PAPPA2: variants seen among roughly 807,000 people sequenced by gnomAD.
PAPPA2 encodes the protein pappalysin-2.
Under a neutral mutation model 176.4 loss-of-function variants are expected in PAPPA2, and 86 were observed. That is an observed-to-expected ratio of 0.49 (90% confidence interval 0.41 to 0.58). PAPPA2 has a LOEUF of 0.58. PAPPA2 is among the 20% of genes least tolerant of loss of function. The pLI is 0.00. For synonymous variants in PAPPA2, 809 were observed against 852.2 expected (o/e 0.95, Z 0.88); for missense variants, 2,073 against 2,256.9 (o/e 0.92, Z 1.65).
intron 3 of PAPPA2, among the ~76,000 whole-genome samples, chr1:176,657,205 T>C (rs1658081900): frequency 6.6e-6 from 1 of 151,850 alleles, no homozygotes; most frequent in South Asian, 2.1e-4. Context: ...AGAATTGACA[T>C]CTATACCAAA....
At chr1:176,541,288 C>G (rs1472144378) in intron 1 of PAPPA2, among the ~76,000 whole-genome samples, 4 of 152,180 alleles carry the variant, frequency 2.6e-5, no homozygotes, top group Admixed American at 6.5e-5. Context: ...TGGATCTTGA[C>G]AGTGCATTAA....
At chr1:176,743,340 G>T (rs1202692448) in intron 14 of PAPPA2, among the ~76,000 whole-genome samples, 3 of 152,092 alleles carry the variant, frequency 2.0e-5, no homozygotes, top group African/African-American at 7.2e-5. Flanking sequence ...TCTCAGTCTT[G>T]TTTCTCACTC....
chr1:176,473,344 A>G (rs1350129661), intron 1 of PAPPA2, among the ~76,000 whole-genome samples: 1 of 152,002 alleles, frequency 6.6e-6, no homozygotes, highest in Non-Finnish European at 1.5e-5. Flanking sequence ...AGTTTCTTTC[A>G]TGTCTTTTAT....
intron 3 of PAPPA2, among the ~76,000 whole-genome samples, chr1:176,635,006 G>GATAA (rs1656613044): frequency 6.7e-6 from 1 of 149,416 alleles, no homozygotes; most frequent in Non-Finnish European, 1.5e-5. Context: ...TAGATAGATA[G>GATAA]ATAGATAGAT....
intron 14 of PAPPA2, 34 bp from the exon 15 acceptor site, chr1:176,765,632 C>G: frequency 1.3e-6 from 2 of 1,597,482 alleles, no homozygotes; most frequent in Non-Finnish European, 1.7e-6. Context: ...GGTTCTCAAC[C>G]AGTCCTAAGA....
At chr1:176,781,872 C>T (rs773418221) in intron 17 of PAPPA2, among the ~76,000 whole-genome samples, 1 of 152,128 alleles carries the variant, frequency 6.6e-6, no homozygotes, top group Non-Finnish European at 1.5e-5. Context: ...AAAGTGTATT[C>T]GGAGTGAAAA....
chr1:176,564,657 A>G (rs148108664), intron 2 of PAPPA2, among the ~76,000 whole-genome samples: 3 of 152,212 alleles, frequency 2.0e-5, no homozygotes, highest in African/African-American at 7.2e-5. Flanking sequence ...CTTGCAGGAA[A>G]CAAGTCATGC....
In PAPPA2 at chr1:176,613,810, G is replaced by A. The variant is rs190653087; in HGVS notation, c.1991+18215G>A. ...AAAAATTCAGAATAAGAATAAAGCC[G>A]AGCACTGCCTGTCAAATGGGTAATG... On this transcript the variant is annotated intron_variant, in intron 3 of 22. Transcript: ENST00000367662. Among the ~76,000 whole-genome samples the A allele has an allele frequency of 1.1e-4, 16 of 152,218 alleles. No individual in the cohort carries two copies. The East Asian group carries it at 1.7e-3, about 17-fold the overall frequency.
At chr1:176,830,223 AACAG>A (rs1207695961) in intron 21 of PAPPA2, among the ~76,000 whole-genome samples, 1 of 152,196 alleles carries the variant, frequency 6.6e-6, no homozygotes, top group African/African-American at 2.4e-5. Context: ...AATTTTTAAA[AACAG>A]ACAAACAAAT....
intron 12 of PAPPA2, among the ~76,000 whole-genome samples, chr1:176,727,711 A>G (rs1661947344): frequency 6.6e-6 from 1 of 152,066 alleles, no homozygotes; most frequent in Non-Finnish European, 1.5e-5. Flanking sequence ...ATCAAATATC[A>G]TGACCTAACT....
intron 3 of PAPPA2, among the ~76,000 whole-genome samples, chr1:176,623,667 C>CTTTCTTTCTTTCT (rs1212750922): frequency 3.5e-5 from 2 of 57,956 alleles, no homozygotes; most frequent in African/African-American, 1.3e-4. Flanking sequence ...TTCTTTCTTT[C>CTTTCTTTCTTTCT]TTTTTCTTTC....
intron 4 of PAPPA2, among the ~76,000 whole-genome samples, chr1:176,671,958 G>A (rs1016179321): frequency 2.0e-5 from 3 of 150,410 alleles, no homozygotes; most frequent in East Asian, 4.0e-4. Flanking sequence ...TATACCTAAC[G>A]CTAAATGACG....
intron 1 of PAPPA2, among the ~76,000 whole-genome samples, chr1:176,503,509 A>G (rs147909286): frequency 3.0e-4 from 45 of 152,306 alleles, no homozygotes; most frequent in Middle Eastern, 3.4e-3. Context: ...TCTTTCTCCC[A>G]CATTAACACA....
intron 3 of PAPPA2, among the ~76,000 whole-genome samples, chr1:176,642,243 G>A (rs1262529537): frequency 6.6e-6 from 1 of 151,776 alleles, no homozygotes; most frequent in Non-Finnish European, 1.5e-5. Context: ...AACAATAATT[G>A]CAAAGGATAA....
intron 3 of PAPPA2, among the ~76,000 whole-genome samples, chr1:176,668,308 C>A (rs1198413407): frequency 1.3e-5 from 2 of 152,150 alleles, no homozygotes; most frequent in Admixed American, 6.5e-5. Context: ...TAGATCCTGG[C>A]AGAAATTAAG....
intron 3 of PAPPA2, among the ~76,000 whole-genome samples, chr1:176,659,927 T>A (rs1463359201): frequency 1.3e-5 from 2 of 152,072 alleles, no homozygotes; most frequent in Non-Finnish European, 2.9e-5. Flanking sequence ...TGGCCCCAAT[T>A]TTTTCCTCTG....
chr1:176,739,829 T>C, intron 13 of PAPPA2, 68 bp downstream of exon 13: 1 of 1,589,284 alleles, frequency 6.3e-7, no homozygotes, highest in African/African-American at 1.3e-5. Context: ...GTCAGCTTGA[T>C]GTCTGTCTTT....
chr1:176,510,741 G>C (rs1197241547), intron 1 of PAPPA2, among the ~76,000 whole-genome samples: 1 of 149,472 alleles, frequency 6.7e-6, no homozygotes, highest in East Asian at 2.0e-4. Flanking sequence ...ATCACTGTAA[G>C]TAATATAATA....
intron 1 of PAPPA2, among the ~76,000 whole-genome samples, chr1:176,526,513 G>T (rs548102489): frequency 1.3e-5 from 2 of 152,228 alleles, no homozygotes; most frequent in Non-Finnish European, 2.9e-5. Context: ...GTACCACATG[G>T]AAGGAGAGCT....
Sources: allele counts gnomAD v4.1 joint callset (sites outside exome capture counted in the v4.1 genomes callset), GRCh38; gene constraint gnomAD v4.1.1; transcripts MANE v1.5; gene names NCBI Gene and HGNC (gene_info 2026-07-23, HGNC 2026-07-21).